VOPP1: variants seen among roughly 807,000 people sequenced by gnomAD.
The protein encoded by VOPP1 is VOPP1 WW domain binding protein.
Under a neutral mutation model 23.5 loss-of-function variants are expected in VOPP1, and 8 were observed. That is an observed-to-expected ratio of 0.34 (90% CI 0.20 to 0.61). The LOEUF (loss-of-function observed/expected upper bound fraction) is 0.61, where lower values mean the gene tolerates loss of function less well. Ranked by LOEUF, VOPP1 falls within the 20% of genes least tolerant of loss-of-function variation. VOPP1 has a pLI of 0.78. For synonymous variants in VOPP1, 83 were observed against 97.3 expected (o/e 0.85, Z 0.86); for missense variants, 174 against 238.1 (o/e 0.73, Z 1.77).
chr7:55,525,673 A>C (rs1394469198), intron 1 of VOPP1, among the ~76,000 whole-genome samples: 1 of 151,884 alleles, frequency 6.6e-6, no homozygotes. Context: ...GTACTCGATC[A>C]TCTAGGCAGA....
chr7:55,440,076 G>A (rs893204603), intron 4 of VOPP1, among the ~76,000 whole-genome samples: 1 of 152,226 alleles, frequency 6.6e-6, no homozygotes, highest in Non-Finnish European at 1.5e-5. Flanking sequence ...CGTGGTCACC[G>A]CTGGTGAGAG....
chr7:55,499,751 C>T (rs771263410), intron 2 of VOPP1, among the ~76,000 whole-genome samples: 5 of 152,114 alleles, frequency 3.3e-5, no homozygotes, highest in East Asian at 1.9e-4. Flanking sequence ...GTGCTCGGGA[C>T]GGGGGAATGC....
chr7:55,569,095 C>A (rs954090661), intron 1 of VOPP1, among the ~76,000 whole-genome samples: 1 of 152,230 alleles, frequency 6.6e-6, no homozygotes, highest in Non-Finnish European at 1.5e-5. Context: ...AGGGCCCTCA[C>A]TGGCTGTGCA....
chr7:55,532,991 T>C (rs1038535107), intron 1 of VOPP1, among the ~76,000 whole-genome samples: 1 of 152,012 alleles, frequency 6.6e-6, no homozygotes, highest in Non-Finnish European at 1.5e-5. Context: ...AGAAAGAGAG[T>C]CAGTTCCACG....
intron 1 of VOPP1, among the ~76,000 whole-genome samples, chr7:55,549,175 CG>C (rs1451236269): frequency 6.6e-6 from 1 of 152,174 alleles, no homozygotes; most frequent in African/African-American, 2.4e-5. Context: ...CCTAAAGGTT[CG>C]ACAGGGGAGA....
At position 55,509,235 on chromosome 7, in the gene VOPP1, G is replaced by A. The variant is rs146629193; in HGVS notation, c.114-11545C>T. On this transcript the variant is annotated intron_variant, in intron 2 of 4. Coordinates refer to ENST00000285279, the MANE Select transcript of VOPP1 (RefSeq NM_030796.5). ...TACTTTCTCAGCTCTATTTTTACTT[G>A]AGTTGGTCTTAGTCCATTCAGGCTG... 7.8e-4 allele frequency among the ~76,000 whole-genome samples: 118 copies of A among 152,148 alleles called. 1 individual carries two copies. The highest frequency in any genetic ancestry group is 4.8e-3 in the South Asian group (23 of 4,834).
intron 1 of VOPP1, chr7:55,521,809 C>T (rs1317293043): frequency 6.1e-6 from 6 of 985,436 alleles, no homozygotes; most frequent in Middle Eastern, 5.2e-4. Context: ...CACCTGGAGG[C>T]TCTCACAAAC....
chr7:55,497,812 G>A (rs1443288142), intron 2 of VOPP1, 122 bp from the exon 3 acceptor site: 3 of 782,406 alleles, frequency 3.8e-6, no homozygotes, highest in Non-Finnish European at 6.6e-6. Context: ...AGAGCAAAAA[G>A]GACAGAACTG....
At chr7:55,531,722 C>T (rs1036246015) in intron 1 of VOPP1, among the ~76,000 whole-genome samples, 28 of 152,194 alleles carry the variant, frequency 1.8e-4, no homozygotes, top group African/African-American at 6.8e-4. Flanking sequence ...AACAGATCAG[C>T]TCTGCCACCT....
intron 4 of VOPP1, among the ~76,000 whole-genome samples, chr7:55,446,586 T>C (rs1022306678): frequency 8.5e-5 from 13 of 152,166 alleles, no homozygotes; most frequent in East Asian, 7.7e-4. Flanking sequence ...ACCACACCCA[T>C]AGAGGTTCAA....
chr7:55,487,024 C>T (rs1020114976), intron 4 of VOPP1, among the ~76,000 whole-genome samples: 2 of 152,198 alleles, frequency 1.3e-5, no homozygotes, highest in Non-Finnish European at 1.5e-5. Context: ...CATCCCCGCA[C>T]GTCAGAAGCA....
At chr7:55,454,530 C>T (rs547977091) in intron 4 of VOPP1, among the ~76,000 whole-genome samples, 46 of 152,322 alleles carry the variant, frequency 3.0e-4, no homozygotes, top group Non-Finnish European at 6.0e-4. Context: ...CCCTGATGAA[C>T]ATCAATGCAA....
chr7:55,436,604 GTGTGTGTGCA>G (rs1224613619), intron 4 of VOPP1, among the ~76,000 whole-genome samples: 1 of 148,834 alleles, frequency 6.7e-6, no homozygotes, highest in Non-Finnish European at 1.5e-5. Context: ...TTGTGCATGA[GTGTGTGTGCA>G]TGAGTGTGTG....
intron 2 of VOPP1, among the ~76,000 whole-genome samples, chr7:55,505,323 C>T (rs1407636754): frequency 2.0e-5 from 3 of 152,130 alleles, no homozygotes; most frequent in Non-Finnish European, 4.4e-5. Flanking sequence ...AAGCTGAAAT[C>T]CAAAACCTGA....
At chr7:55,494,453 C>T (rs1793803423) in intron 3 of VOPP1, among the ~76,000 whole-genome samples, 1 of 152,054 alleles carries the variant, frequency 6.6e-6, no homozygotes, top group Non-Finnish European at 1.5e-5. Context: ...ATGTCGGTTC[C>T]ACTGCCAACA....
chr7:55,466,512 G>A (rs1791635126), downstream of VOPP1, among the ~76,000 whole-genome samples: 1 of 152,168 alleles, frequency 6.6e-6, no homozygotes, highest in African/African-American at 2.4e-5. Flanking sequence ...GGACTGAGGG[G>A]GGAAACCAGA....
In VOPP1 at chr7:55,445,244, G is replaced by C. The variant is rs140534947; in HGVS notation, n.418-9070C>G. ...ACACACACACAGACACACACACACAGACACACACACACACACACAGACATA... is the reference window on the plus strand; with the variant it reads ...ACACACACACAGACACACACACACACACACACACACACACACACAGACATA... On this transcript the variant is annotated intron_variant and non_coding_transcript_variant, in intron 4 of 4. Transcript: ENST00000462326. Among the ~76,000 whole-genome samples, 77 of 121,484 alleles carry C rather than the reference G, an allele frequency of 6.3e-4. 2 individuals are homozygous for C. In the East Asian group the frequency reaches 9.2e-3, roughly 15 times the overall value. 79.7% of individuals were successfully genotyped at this position (121,484 alleles called of 152,430 possible).
intron 1 of VOPP1, among the ~76,000 whole-genome samples, chr7:55,564,628 T>C (rs1798105689): frequency 6.6e-6 from 1 of 152,128 alleles, no homozygotes; most frequent in African/African-American, 2.4e-5. Flanking sequence ...TCACAGATAA[T>C]AACAAGCAAG....
intron 1 of VOPP1, among the ~76,000 whole-genome samples, chr7:55,554,381 T>A (rs566558199): frequency 6.6e-6 from 1 of 152,122 alleles, no homozygotes; most frequent in African/African-American, 2.4e-5. Context: ...CATAGGCCAA[T>A]AGGGTACCAT....
Sources: allele counts gnomAD v4.1 joint callset (sites outside exome capture counted in the v4.1 genomes callset), GRCh38; gene constraint gnomAD v4.1.1; transcripts MANE v1.5; gene names NCBI Gene and HGNC (gene_info 2026-07-23, HGNC 2026-07-21).